ATIC: variants seen among roughly 807,000 people sequenced by gnomAD.
The protein encoded by ATIC is 5-aminoimidazole-4-carboxamide ribonucleotide formyltransferase/IMP cyclohydrolase.
A neutral mutation model predicts 72.5 loss-of-function variants in ATIC; 64 were observed. The observed-to-expected ratio is 0.88, with a 90% CI of 0.72 to 1.09. The LOEUF (loss-of-function observed/expected upper bound fraction) is 1.09, where lower values mean the gene tolerates loss of function less well. Among genes scored for constraint, ATIC ranks in the 50% least tolerant of loss-of-function variants. The pLI is 0.00. For synonymous variants in ATIC, 281 were observed against 267.1 expected (o/e 1.05, Z -0.51); for missense variants, 787 against 732.4 (o/e 1.07, Z -0.86).
At chr2:215,335,629 C>T (rs905441196) in intron 10 of ATIC, among the ~76,000 whole-genome samples, 1 of 152,164 alleles carries the variant, frequency 6.6e-6, no homozygotes, top group Admixed American at 6.5e-5. Context: ...CATGTCAAAT[C>T]TCTGATTTAA....
chr2:215,365,868 C>T, the ATIC span: 83 of 203,796 alleles, frequency 4.1e-4, 2 homozygotes, highest in East Asian at 0.01. Context: ...TGAAGTGGTG[C>T]AATCTCGGCT....
chr2:215,334,043 A>G (rs1363691827), intron 9 of ATIC, among the ~76,000 whole-genome samples: 2 of 148,604 alleles, frequency 1.3e-5, no homozygotes, highest in African/African-American at 4.9e-5. Context: ...CTCCGTCTCA[A>G]AAAAAAAAAA....
chr2:215,320,588 A>ATTTTTTTTTTTTTTTTTTTT (rs1559267639), intron 4 of ATIC, among the ~76,000 whole-genome samples: 1 of 151,646 alleles, frequency 6.6e-6, no homozygotes, highest in East Asian at 1.9e-4. Context: ...ATTTAATTTA[A>ATTTTTTTTTTTTTTTTTTTT]TTTTATTTTG....
chr2:215,315,216 T>G (rs1055869518), intron 2 of ATIC, among the ~76,000 whole-genome samples: 1 of 152,154 alleles, frequency 6.6e-6, no homozygotes, highest in Non-Finnish European at 1.5e-5. Context: ...CAGTGGAAAG[T>G]TAGAATCATA....
intron 13 of ATIC, 64 bp downstream of exon 13, chr2:215,344,935 C>T (rs1366442198): frequency 1.3e-5 from 20 of 1,490,958 alleles, no homozygotes; most frequent in Middle Eastern, 1.7e-4. Flanking sequence ...TTTAAACATC[C>T]GTCTGCCTTA....
In ATIC at chr2:215,326,903, C is replaced by T; in HGVS notation, c.613C>T (p.Pro205Ser). The T allele has an allele frequency of 6.2e-7, 1 of 1,614,080 alleles. No homozygotes were observed. Residue 205 changes from proline (P) to serine (S), a missense_variant, in exon 7 of 16, where the codon CCC (proline) becomes TCC (serine). Transcript: ENST00000236959. ...KQYSKGVSQM[P>S]LRYGMNPHQT... ...GTACAGCAAAGGCGTATCTCAGATG[C>T]CCTTGAGATATGGAATGAACCCACA... is the stretch of plus-strand genomic sequence containing the variant.
chr2:215,350,616 C>A (rs1279247155), downstream of ATIC, among the ~76,000 whole-genome samples: 1 of 152,192 alleles, frequency 6.6e-6, no homozygotes, highest in African/African-American at 2.4e-5. Flanking sequence ...CCCAGAATTT[C>A]AGCAGCCCGA....
At chr2:215,317,172 A>G (rs76660715) in intron 2 of ATIC, among the ~76,000 whole-genome samples, 1,718 of 152,274 alleles carry the variant, frequency 0.011, 29 homozygotes, top group African/African-American at 0.039. Context: ...GCTTTGTGAT[A>G]TGGATTAATA....
chr2:215,323,089 C>G (rs907400810), intron 4 of ATIC, among the ~76,000 whole-genome samples: 1 of 152,030 alleles, frequency 6.6e-6, no homozygotes, highest in African/African-American at 2.4e-5. Flanking sequence ...GGACTATAGG[C>G]GCCCGCTACC....
In ATIC at chr2:215,349,728, T is replaced by G; in HGVS notation, c.*73T>G. On this transcript the variant is annotated 3_prime_UTR_variant, in exon 16 of 16. Coordinates refer to ENST00000236959, the MANE Select transcript of ATIC (RefSeq NM_004044.7). ...CACGCCTGAAACTTTGAGGATAACT[T>G]TTTAAAAAAATAAAACAGTATCTCT... is the stretch of plus-strand genomic sequence containing the variant. 1.9e-6 allele frequency: 3 copies of G among 1,610,706 alleles called. No homozygotes were observed. Among genetic ancestry groups the G allele is most frequent in the Non-Finnish European group, 2.5e-6 (3 of 1,177,086 alleles).
downstream of ATIC, chr2:215,349,900 G>A (rs999141593): frequency 1.7e-5 from 10 of 604,044 alleles, no homozygotes; most frequent in Admixed American, 6.0e-5. Flanking sequence ...AGCACTGCCC[G>A]TGTGAAACAT....
At chr2:215,338,020 T>C (rs1268165439) in intron 11 of ATIC, among the ~76,000 whole-genome samples, 3 of 152,208 alleles carry the variant, frequency 2.0e-5, no homozygotes, top group African/African-American at 7.2e-5. Context: ...CATTTTAGAA[T>C]TCAAGAAAAT....
Position 215,312,579 on chromosome 2 carries a change from C to G in ATIC, c.101C>G (p.Ser34Cys). 6.2e-7 allele frequency: 1 copy of G among 1,614,178 alleles called. No homozygotes were observed. The highest frequency in any genetic ancestry group is 1.1e-5 in the South Asian group (1 of 91,078). Reference protein sequence around the residue: ...LTALGLNLVASGGTAKALRDA... With the variant: ...LTALGLNLVACGGTAKALRDA... Reference sequence around the variant, plus strand: ...GCTCTTGGTTTGAATCTGGTCGCTTCCGGAGGGACTGCAAAAGCTCTCAGG... The same window carrying G: ...GCTCTTGGTTTGAATCTGGTCGCTTGCGGAGGGACTGCAAAAGCTCTCAGG... Residue 34 changes from serine (S) to cysteine (C), a missense_variant, in exon 2 of 16, where the codon TCC (serine) becomes TGC (cysteine). Physicochemically the swap from Ser to Cys is moderately radical, Grantham distance 112. Transcript: ENST00000236959.
At chr2:215,352,137 T>C (rs1190549709), downstream of ATIC, among the ~76,000 whole-genome samples, 3 of 152,128 alleles carry the variant, frequency 2.0e-5, no homozygotes, top group Admixed American at 1.3e-4. Context: ...AAAAGGACAT[T>C]AGGTAAAAAC....
At chr2:215,356,128 G>A in the ATIC span, among the ~76,000 whole-genome samples, 3 of 152,204 alleles carry the variant, frequency 2.0e-5, no homozygotes, top group Non-Finnish European at 4.4e-5. Flanking sequence ...ACGTCTTAGA[G>A]TTGCTCTGAA....
intron 4 of ATIC, 75 bp downstream of exon 4, chr2:215,319,806 G>A (rs1388527132): frequency 8.3e-7 from 1 of 1,211,556 alleles, no homozygotes; most frequent in Admixed American, 1.8e-5. Flanking sequence ...GTGTCCCTGT[G>A]TTTTCTTACT....
At chr2:215,343,920 G>A (rs1288779521) in intron 12 of ATIC, among the ~76,000 whole-genome samples, 1 of 152,112 alleles carries the variant, frequency 6.6e-6, no homozygotes. Context: ...ATTTTTGGGC[G>A]TTATTCTTGT....
intron 12 of ATIC, among the ~76,000 whole-genome samples, 179 bp from the exon 13 acceptor site, chr2:215,344,600 G>C (rs141730772): frequency 6.6e-6 from 1 of 152,114 alleles, no homozygotes; most frequent in African/African-American, 2.4e-5. Flanking sequence ...TCTTGCACCC[G>C]GGAGGTGGAG....
At chr2:215,339,516 G>A (rs1378992453) in intron 12 of ATIC, among the ~76,000 whole-genome samples, 1 of 152,160 alleles carries the variant, frequency 6.6e-6, no homozygotes, top group Non-Finnish European at 1.5e-5. Flanking sequence ...ATCCTATCTC[G>A]AAAATAAATG....
Sources: allele counts gnomAD v4.1 joint callset (sites outside exome capture counted in the v4.1 genomes callset), GRCh38; gene constraint gnomAD v4.1.1; transcripts MANE v1.5; gene names NCBI Gene and HGNC (gene_info 2026-07-23, HGNC 2026-07-21).